Variants in PLVAP observed in about 807,000 individuals in gnomAD.
PLVAP encodes plasmalemma vesicle-associated protein.
In PLVAP, 34 loss-of-function variants were observed where a neutral mutation model predicts 43.1. The ratio of observed to expected loss-of-function variants is 0.79; its 90% CI spans 0.60 to 1.05. The LOEUF is 1.05. Ranked by LOEUF, PLVAP falls within the 50% of genes least tolerant of loss-of-function variation. PLVAP has a pLI of 0.00. For synonymous variants in PLVAP, 241 were observed against 237.3 expected (o/e 1.02, Z -0.14); for missense variants, 574 against 593.4 (o/e 0.97, Z 0.34).
At chr19:17,366,242 G>T (rs1339218546) in intron 1 of PLVAP, 47 bp from the exon 2 acceptor site, 2 of 1,595,618 alleles carry the variant, frequency 1.3e-6, no homozygotes, top group South Asian at 2.2e-5. Context: ...TTAGTGTCTT[G>T]CCCCCAGGAC....
intron 5 of PLVAP, among the ~76,000 whole-genome samples, chr19:17,359,866 T>C (rs1175314764): frequency 6.6e-6 from 1 of 152,070 alleles, no homozygotes; most frequent in Non-Finnish European, 1.5e-5. Flanking sequence ...CTGAGACTCA[T>C]TTTCTAGAAA....
intron 5 of PLVAP, among the ~76,000 whole-genome samples, chr19:17,358,821 A>G (rs199972561): frequency 6.6e-6 from 1 of 150,960 alleles, no homozygotes; most frequent in African/African-American, 2.4e-5. Context: ...TTTTTCCAAG[A>G]CAGGATCTCA....
rs1237917649 is a variant in PLVAP, at chr19:17,351,560, C to T, written c.*802G>A. Reference sequence around the variant, plus strand: ...GGCTCCCCTCCCGACAACAGGTGACCCTCACCCCCGGCTCAGGGCCCCGAG... The same window carrying T: ...GGCTCCCCTCCCGACAACAGGTGACTCTCACCCCCGGCTCAGGGCCCCGAG... On this transcript the variant is annotated 3_prime_UTR_variant, in exon 6 of 6. Coordinates refer to ENST00000252590, the MANE Select transcript of PLVAP (RefSeq NM_031310.3). The T allele has an allele frequency of 6.6e-6, 1 of 152,236 alleles. No individual in the cohort carries two copies. The highest frequency in any genetic ancestry group is 1.5e-5 in the Non-Finnish European group (1 of 68,078). The allele number at this position is 152,236 out of a possible 1,614,324, so 9.4% of individuals were successfully genotyped here.
intron 1 of PLVAP, among the ~76,000 whole-genome samples, chr19:17,373,686 G>A (rs1445247645): frequency 6.6e-6 from 1 of 152,116 alleles, no homozygotes; most frequent in Non-Finnish European, 1.5e-5. Flanking sequence ...AGTTGTGTCT[G>A]AGAACACGGG....
At chr19:17,369,107 C>T (rs1212276203) in intron 1 of PLVAP, among the ~76,000 whole-genome samples, 5 of 152,128 alleles carry the variant, frequency 3.3e-5, no homozygotes, top group South Asian at 4.1e-4. Flanking sequence ...CATGGAAGCC[C>T]TAGCAAATTA....
chr19:17,361,926 A>T (rs1258140968), intron 3 of PLVAP, among the ~76,000 whole-genome samples: 3 of 150,404 alleles, frequency 2.0e-5, no homozygotes, highest in Admixed American at 6.6e-5. Flanking sequence ...AAAAAAATAA[A>T]AAAAAAAAAA....
intron 1 of PLVAP, among the ~76,000 whole-genome samples, chr19:17,375,024 G>A (rs1156409229): frequency 6.6e-6 from 1 of 152,068 alleles, no homozygotes; most frequent in Non-Finnish European, 1.5e-5. Context: ...GTTTCACTAG[G>A]TTGGCCAGGC....
intron 1 of PLVAP, 39 bp downstream of exon 1, chr19:17,376,881 T>G: frequency 6.3e-7 from 1 of 1,576,108 alleles, no homozygotes; most frequent in Non-Finnish European, 8.6e-7. Flanking sequence ...GGGGGCTTGC[T>G]CAGGGTCCCC....
intron 3 of PLVAP, among the ~76,000 whole-genome samples, chr19:17,363,760 T>G (rs1171127318): frequency 9.4e-6 from 1 of 106,660 alleles, no homozygotes; most frequent in Non-Finnish European, 2.0e-5. Flanking sequence ...TTTTTTTTTT[T>G]GAGAGAGAAT....
intron 1 of PLVAP, among the ~76,000 whole-genome samples, chr19:17,372,362 T>C (rs911434084): frequency 6.7e-6 from 1 of 150,352 alleles, no homozygotes; most frequent in South Asian, 2.1e-4. Context: ...GGAGCTGAGA[T>C]TGCGCCACTG....
Position 17,365,377 on chromosome 19 carries a change from T to G in PLVAP, c.1088A>C (p.Lys363Thr). 1 of 1,613,490 alleles carries G rather than the reference T, an allele frequency of 6.2e-7. No homozygotes were observed. The highest frequency in any genetic ancestry group is 8.5e-7 in the Non-Finnish European group (1 of 1,180,034). ...VLRKERDNLAKELEEKKREAE... is the reference protein window; with the variant it reads ...VLRKERDNLATELEEKKREAE... Reference sequence around the variant, plus strand: ...CTCCCTCTTCTTCTCTTCCAGCTCCTTGGCCAGGTTGTCTCGTTCCTTCCG... The same window carrying G: ...CTCCCTCTTCTTCTCTTCCAGCTCCGTGGCCAGGTTGTCTCGTTCCTTCCG... Residue 363 changes from lysine to threonine, a missense_variant, in exon 3 of 6, where the codon AAG (lysine) becomes ACG (threonine). Transcript: ENST00000252590.
In PLVAP at chr19:17,352,067, C is replaced by T. The variant is rs1030210364; in HGVS notation, c.*295G>A. 18 of 491,546 alleles carry T rather than the reference C, an allele frequency of 3.7e-5. No individual in the cohort carries two copies. Among genetic ancestry groups the T allele is most frequent in the Non-Finnish European group, 6.3e-5 (17 of 269,706 alleles). The allele number at this position is 491,546 out of a possible 1,614,324, so 30.4% of individuals were successfully genotyped here. A position where few individuals can be genotyped will look rare whatever the true frequency, so the allele number is the denominator to read the frequency against. ...CATCTGCACGACGCCATCGCTATAT[C>T]TCTTCGTGACGTCTACATGGCCACG... is the stretch of plus-strand genomic sequence containing the variant. On this transcript the variant is annotated 3_prime_UTR_variant, in exon 6 of 6. Transcript: ENST00000252590.
At chr19:17,369,719 G>T (rs1245946516) in intron 1 of PLVAP, among the ~76,000 whole-genome samples, 1 of 150,286 alleles carries the variant, frequency 6.7e-6, no homozygotes, top group African/African-American at 2.4e-5. Flanking sequence ...ATTCAAAATC[G>T]GCTGGGCGCG....
At chr19:17,371,279 A>AG (rs2074571145) in intron 1 of PLVAP, among the ~76,000 whole-genome samples, 1 of 150,116 alleles carries the variant, frequency 6.7e-6, no homozygotes, top group African/African-American at 2.5e-5. Context: ...CTCATGCCTC[A>AG]GCCTCCCAAG....
chr19:17,355,182 C>T (rs1368384916), intron 5 of PLVAP, among the ~76,000 whole-genome samples: 2 of 147,576 alleles, frequency 1.4e-5, no homozygotes, highest in Admixed American at 1.4e-4. Flanking sequence ...TGAGATCACA[C>T]CAGTGTACTC....
chr19:17,364,767 T>C (rs1341910405), intron 3 of PLVAP, among the ~76,000 whole-genome samples: 5 of 123,380 alleles, frequency 4.1e-5, no homozygotes, highest in Non-Finnish European at 8.0e-5. Context: ...TTCCAGTCTT[T>C]TTTTTTTTTT....
intron 5 of PLVAP, among the ~76,000 whole-genome samples, chr19:17,358,238 G>C (rs1443412906): frequency 1.3e-5 from 2 of 148,486 alleles, no homozygotes; most frequent in Non-Finnish European, 3.0e-5. Context: ...GAGGGAGTGA[G>C]CTCCCTGTTG....
rs746069692 is a variant in PLVAP at position 17,360,581 on chromosome 19, C to T, written c.1269G>A (p.Arg423=). The change falls in exon 5 of 6, where the codon AGG becomes AGA. Residue 423 remains arginine, a synonymous_variant. Transcript: ENST00000252590. The part of the protein sequence containing the change: ...IDPASLEEFK[R]KILESQRPPA... Reference sequence around the variant, plus strand: ...GGGGCCTCTGGGACTCCAGGATCTTCCTCTTGAACTCCTCCAGGCTAGCTG... The same window carrying T: ...GGGGCCTCTGGGACTCCAGGATCTTTCTCTTGAACTCCTCCAGGCTAGCTG... 115 of 1,613,668 alleles carry T rather than the reference C, an allele frequency of 7.1e-5. No homozygotes were observed. In the South Asian group the frequency reaches 1.2e-3, roughly 16 times the overall value.
intron 3 of PLVAP, 36 bp from the exon 4 acceptor site, chr19:17,360,868 C>T (rs2074525530): frequency 1.3e-6 from 2 of 1,555,074 alleles, no homozygotes; most frequent in South Asian, 2.2e-5. Flanking sequence ...TGGTAGGAGC[C>T]AGGGCTTCCC....
Sources: gnomAD v4.1 joint callset for allele counts (sites outside exome capture counted in the v4.1 genomes callset) on GRCh38, gnomAD v4.1.1 for gene constraint, MANE v1.5 for transcripts, NCBI Gene and HGNC (gene_info 2026-07-23, HGNC 2026-07-21) for gene names.